The following PCDH15 variants were observed in gnomAD, a reference collection of about 807,000 sequenced individuals.
The protein encoded by PCDH15 is protocadherin-15.
PCDH15 carries 129 observed loss-of-function variants against 178.5 expected under a neutral mutation model. The observed-to-expected ratio is 0.72, with a 90% CI of 0.63 to 0.84. PCDH15 has a LOEUF of 0.84. Among genes scored for constraint, PCDH15 ranks in the 40% least tolerant of loss-of-function variants. PCDH15 has a pLI of 0.00. For missense variants in PCDH15, 2,230 were observed against 2,099.9 expected (o/e 1.06, Z -1.21); for synonymous variants, 800 against 732.0 (o/e 1.09, Z -1.50).
intron 2 of PCDH15, among the ~76,000 whole-genome samples, chr10:55,108,282 T>C (rs1025955686): frequency 1.3e-5 from 2 of 152,186 alleles, no homozygotes; most frequent in African/African-American, 2.4e-5. Context: ...TTATCCAAGA[T>C]ACAGAAAGGC....
chr10:55,280,635 A>C (rs1392591751), intron 1 of PCDH15, among the ~76,000 whole-genome samples: 1 of 151,610 alleles, frequency 6.6e-6, no homozygotes, highest in African/African-American at 2.4e-5. Flanking sequence ...TTAAACAGGG[A>C]GATGTTGATT....
chr10:55,516,688 T>C (rs1841020304), intron 2 of PCDH15, among the ~76,000 whole-genome samples: 1 of 152,134 alleles, frequency 6.6e-6, no homozygotes, highest in African/African-American at 2.4e-5. Flanking sequence ...AGAAGGATCA[T>C]AGGTAATAAG....
intron 3 of PCDH15, among the ~76,000 whole-genome samples, chr10:54,432,921 A>T (rs1957123938): frequency 6.6e-6 from 1 of 152,192 alleles, no homozygotes; most frequent in Admixed American, 6.5e-5. Context: ...TATCAAATAG[A>T]CATTTCTCAA....
chr10:54,440,677 T>A (rs1019207628), intron 3 of PCDH15, among the ~76,000 whole-genome samples: 2 of 151,982 alleles, frequency 1.3e-5, no homozygotes, highest in Admixed American at 1.3e-4. Context: ...TCTATGTATG[T>A]AAACATTTAT....
rs1554832765 is a variant in PCDH15 at position 53,855,904 on chromosome 10, G to GTGTATATATATATATATATATATA, written c.3806+1270_3806+1271insTATATATATATATATATATATACA. ...TAAAAGTTAAAAAAAAAGGTGATAT[G>GTGTATATATATATATATATATATA]TATATATATATATATATGTATGTGT... On this transcript the variant is annotated intron_variant, in intron 28 of 37. Coordinates refer to ENST00000644397, the MANE Select transcript of PCDH15 (RefSeq NM_001384140.1). Among the ~76,000 whole-genome samples, 124 of 109,668 alleles carry GTGTATATATATATATATATATATA rather than the reference G, an allele frequency of 1.1e-3. 3 individuals carry two copies. The highest frequency in any genetic ancestry group is 4.3e-3 in the African/African-American group (114 of 26,488). The allele number at this position is 109,668 out of a possible 152,430, so 71.9% of individuals were successfully genotyped here.
intron 1 of PCDH15, among the ~76,000 whole-genome samples, chr10:55,302,651 A>C (rs1843315055): frequency 6.6e-6 from 1 of 152,176 alleles, no homozygotes; most frequent in South Asian, 2.1e-4. Flanking sequence ...AACTCTGCTG[A>C]TTTAAACGGT....
chr10:55,024,842 T>C (rs1840433848), intron 2 of PCDH15, among the ~76,000 whole-genome samples: 1 of 152,138 alleles, frequency 6.6e-6, no homozygotes, highest in African/African-American at 2.4e-5. Context: ...TTATTTCTAT[T>C]CTAGATTGCA....
rs146387108 is a variant in PCDH15 at position 54,953,906 on chromosome 10, C to T, written c.-79-56406G>A. On this transcript the variant is annotated intron_variant, in intron 2 of 5. Coordinates refer to the PCDH15 transcript ENST00000458638. ...AAGTTTCTTTCTAGCATTTAAAATA[C>T]ATTTAAAAAATATATTTTCAGTTTT... 7.6e-3 allele frequency among the ~76,000 whole-genome samples: 1,147 copies of T among 151,140 alleles called. 16 individuals carry two copies. The highest frequency in any genetic ancestry group is 0.026 in the African/African-American group (1,088 of 41,386).
chr10:54,964,150 CG>C (rs1309761705), intron 2 of PCDH15, among the ~76,000 whole-genome samples: 1 of 152,136 alleles, frequency 6.6e-6, no homozygotes, highest in Non-Finnish European at 1.5e-5. Context: ...GAAGCCCTGA[CG>C]GTTGGTTTCC....
At chr10:54,182,072 C>G (rs2048035486) in intron 13 of PCDH15, among the ~76,000 whole-genome samples, 1 of 152,182 alleles carries the variant, frequency 6.6e-6, no homozygotes, top group Non-Finnish European at 1.5e-5. Context: ...ATTCTCCTGC[C>G]TCAGCCTCCC....
At chr10:53,907,606 C>T (rs2082767888) in intron 25 of PCDH15, among the ~76,000 whole-genome samples, 1 of 152,070 alleles carries the variant, frequency 6.6e-6, no homozygotes. Flanking sequence ...CTTTTTTCTC[C>T]AATTTTCTAT....
chr10:55,463,321 T>C (rs866102885), intron 2 of PCDH15, among the ~76,000 whole-genome samples: 1 of 152,050 alleles, frequency 6.6e-6, no homozygotes, highest in African/African-American at 2.4e-5. Flanking sequence ...TTTTATTCCA[T>C]GATGATATGT....
chr10:54,199,735 T>C (rs1428156878), intron 10 of PCDH15, among the ~76,000 whole-genome samples: 1 of 152,080 alleles, frequency 6.6e-6, no homozygotes, highest in East Asian at 1.9e-4. Flanking sequence ...ATGAGAAATA[T>C]TTTAAAAACA....
rs368788810 is a variant in PCDH15 at position 54,010,239 on chromosome 10, C to T, written c.2751+9953G>A. ...GCCGACCCCCAACACAGCGCAGTTT[C>T]CTTACAGAAAAGCGGGTAGGCTGTT... On this transcript the variant is annotated intron_variant, in intron 20 of 37. Coordinates refer to ENST00000644397, the MANE Select transcript of PCDH15 (RefSeq NM_001384140.1). Among the ~76,000 whole-genome samples, 25 of 132,882 alleles carry T rather than the reference C, an allele frequency of 1.9e-4. No homozygotes were observed. In the East Asian group the frequency reaches 4.3e-3, roughly 23 times the overall value. 87.2% of individuals were successfully genotyped at this position (132,882 alleles called of 152,430 possible).
At chr10:54,605,214 T>A (rs552045269) in intron 2 of PCDH15, among the ~76,000 whole-genome samples, 32 of 152,180 alleles carry the variant, frequency 2.1e-4, no homozygotes, top group Admixed American at 2.0e-3. Flanking sequence ...TTTGCCTCTA[T>A]AAATTTACCA....
chr10:55,533,684 A>G (rs1841508282), intron 2 of PCDH15, among the ~76,000 whole-genome samples: 1 of 152,060 alleles, frequency 6.6e-6, no homozygotes. Context: ...CACTATTTCT[A>G]TTAAACTACC....
intron 10 of PCDH15, among the ~76,000 whole-genome samples, chr10:54,199,474 A>G (rs898076404): frequency 6.6e-6 from 1 of 151,872 alleles, no homozygotes; most frequent in African/African-American, 2.4e-5. Flanking sequence ...ATCGAAAAGC[A>G]AGAGAGATGG....
chr10:55,050,506 T>C (rs769991933), intron 2 of PCDH15, among the ~76,000 whole-genome samples: 1 of 152,060 alleles, frequency 6.6e-6, no homozygotes, highest in Non-Finnish European at 1.5e-5. Flanking sequence ...GTACCTTGTA[T>C]ATAAAATGTC....
At chr10:54,296,827 C>T (rs2059824527) in intron 8 of PCDH15, among the ~76,000 whole-genome samples, 1 of 152,168 alleles carries the variant, frequency 6.6e-6, no homozygotes, top group Admixed American at 6.5e-5. Context: ...CTGGAGATCT[C>T]TTCCCTCTCT....
Sources: allele counts gnomAD v4.1 joint callset (sites outside exome capture counted in the v4.1 genomes callset), GRCh38; gene constraint gnomAD v4.1.1; transcripts MANE v1.5; gene names NCBI Gene and HGNC (gene_info 2026-07-23, HGNC 2026-07-21).